Variants in CCDC110 observed in about 807,000 individuals in gnomAD.
CCDC110 encodes coiled-coil domain containing 110, also known as coiled-coil domain-containing protein 110.
Under a neutral mutation model 77.1 loss-of-function variants are expected in CCDC110, and 70 were observed. The observed-to-expected ratio is 0.91, with a 90% CI of 0.75 to 1.11. The LOEUF (loss-of-function observed/expected upper bound fraction) is 1.11, where lower values mean the gene tolerates loss of function less well. Ranked by LOEUF, CCDC110 falls within the 50% of genes least tolerant of loss-of-function variation. The pLI is 0.00. For synonymous variants in CCDC110, 295 were observed against 312.5 expected, an observed-to-expected ratio of 0.94 and a Z score of 0.59; for missense variants, 868 against 942.9, an observed-to-expected ratio of 0.92 and a Z score of 1.04.
chr4:185,468,317 G>A lies in CCDC110; in HGVS notation c.115+2628C>T, dbSNP rs1462727411. ...AAGCCCTTACTGAGGTGTACGAGGTGTACGGCACATAGTGAATGCTCAAGA... is the reference window on the plus strand; with the variant it reads ...AAGCCCTTACTGAGGTGTACGAGGTATACGGCACATAGTGAATGCTCAAGA... On this transcript the variant is annotated intron_variant, in intron 2 of 6. Transcript: ENST00000307588. The surrounding 1 kb of genome is among the most constrained non-coding windows in gnomAD (Gnocchi z 4.5). Among the ~76,000 whole-genome samples the A allele has an allele frequency of 1.3e-5, 2 of 152,218 alleles. No individual in the cohort carries two copies. The highest frequency in any genetic ancestry group is 2.4e-5 in the African/African-American group (1 of 41,466).
intron 2 of CCDC110, among the ~76,000 whole-genome samples, chr4:185,466,349 T>C (rs1318238427): frequency 2.0e-5 from 3 of 151,852 alleles, no homozygotes; most frequent in Non-Finnish European, 4.4e-5. Context: ...CACTCCAGCC[T>C]GGGAGACAAG....
intron 2 of CCDC110, among the ~76,000 whole-genome samples, chr4:185,466,609 G>T (rs973608920): frequency 6.6e-6 from 1 of 151,676 alleles, no homozygotes; most frequent in East Asian, 2.0e-4. Context: ...TCACTCTGTT[G>T]CCCAGGCTGG....
In CCDC110 at chr4:185,459,538, C is replaced by T; in HGVS notation, c.1049G>A (p.Arg350Lys). ...ATTGTTTTTCTCATTTTTCTTTCCC[C>T]TGTGCATTTCACTCTTAGATAACTT... ...CKKLSKSEMH[R>K]GKKNEKNNKE... The change falls in exon 6 of 7, where the codon AGG becomes AAG. Residue 350 changes from arginine to lysine, a missense_variant. Physicochemically the swap from Arg to Lys is conservative, Grantham distance 26. Coordinates refer to ENST00000307588, the MANE Select transcript of CCDC110 (RefSeq NM_152775.4). 1.2e-6 allele frequency: 2 copies of T among 1,612,746 alleles called. No individual in the cohort carries two copies. Among genetic ancestry groups the T allele is most frequent in the Non-Finnish European group, 1.7e-6 (2 of 1,179,294 alleles).
chr4:185,447,344 G>A (rs566207140), intron 6 of CCDC110, among the ~76,000 whole-genome samples: 1 of 151,840 alleles, frequency 6.6e-6, no homozygotes, highest in African/African-American at 2.4e-5. Context: ...ACCACGCCCG[G>A]CTAATTTTTG....
At chr4:185,462,085 TG>T (rs1317095717) in intron 4 of CCDC110, among the ~76,000 whole-genome samples, 1 of 152,034 alleles carries the variant, frequency 6.6e-6, no homozygotes, top group Admixed American at 6.5e-5. Context: ...GTGACAAAAA[TG>T]AAACTCCTTC....
chr4:185,445,272 T>C lies in CCDC110; in HGVS notation c.*230A>G. ...ACTTTAGACATCTCAGCTCCTTCCATGTACAGGTACCTGCCCTCCCTTGTA... is the reference window on the plus strand; with the variant it reads ...ACTTTAGACATCTCAGCTCCTTCCACGTACAGGTACCTGCCCTCCCTTGTA... On this transcript the variant is annotated 3_prime_UTR_variant, in exon 7 of 7. Transcript: ENST00000307588. The C allele has an allele frequency of 5.1e-6, 4 of 778,780 alleles. No individual in the cohort carries two copies. Among genetic ancestry groups the C allele is most frequent in the South Asian group, 2.0e-5 (1 of 49,474 alleles). The allele number at this position is 778,780 out of a possible 1,614,324, so 48.2% of individuals were successfully genotyped here.
At position 185,458,524 on chromosome 4, in the gene CCDC110, C is replaced by G; in HGVS notation, c.2063G>C (p.Ser688Thr). ...QEIKNAKSEA[S>T]IYKNSLSEIG... is the part of the protein sequence containing the mutation. Reference sequence around the variant, plus strand: ...TTCTGACAAGCTATTCTTATAAATACTTGCTTCTGATTTTGCATTTTTTAT... The same window carrying G: ...TTCTGACAAGCTATTCTTATAAATAGTTGCTTCTGATTTTGCATTTTTTAT... Residue 688 changes from serine (S) to threonine (T), a missense_variant, in exon 6 of 7, where the codon AGT becomes ACT. Transcript: ENST00000307588. 6.2e-7 allele frequency: 1 copy of G among 1,608,660 alleles called. No homozygotes were observed. The highest frequency in any genetic ancestry group is 8.5e-7 in the Non-Finnish European group (1 of 1,179,056).
chr4:185,445,216 T>C lies in CCDC110; in HGVS notation c.*286A>G. The C allele has an allele frequency of 8.3e-7, 1 of 1,209,872 alleles. No homozygotes were observed. The highest frequency in any genetic ancestry group is 1.6e-5 in the South Asian group (1 of 62,264). The allele number at this position is 1,209,872 out of a possible 1,614,324, so 74.9% of individuals were successfully genotyped here. On this transcript the variant is annotated 3_prime_UTR_variant, in exon 7 of 7. Transcript: ENST00000307588. ...TCTTCAAAATAGTATCTTTTATTTA[T>C]ATATACTTTTTTAAATGACAAATGT... is the stretch of plus-strand genomic sequence containing the variant.
chr4:185,445,302 T>TACC lies in CCDC110; in HGVS notation c.*199_*200insGGT. On this transcript the variant is annotated 3_prime_UTR_variant, in exon 7 of 7. Transcript: ENST00000307588. ...AGGTACCTGCCCTCCCTTGTAGAAG[T>TACC]TCTCCCCCATCTTCTGAAATTCCCA... 7 of 707,248 alleles carry TACC rather than the reference T, an allele frequency of 9.9e-6. No individual in the cohort carries two copies. Among genetic ancestry groups the TACC allele is most frequent in the South Asian group, 2.1e-5 (1 of 46,658 alleles). The allele number at this position is 707,248 out of a possible 1,614,324, so 43.8% of individuals were successfully genotyped here.
chr4:185,458,032 T>C, intron 6 of CCDC110, 94 bp downstream of exon 6: 1 of 865,678 alleles, frequency 1.2e-6, no homozygotes, highest in Non-Finnish European at 1.7e-6. Context: ...TTGTATTCAT[T>C]TTAAAGTTTC....
At position 185,468,598 on chromosome 4, in the gene CCDC110, C is replaced by G. The variant is rs949073666; in HGVS notation, c.115+2347G>C. On this transcript the variant is annotated intron_variant, in intron 2 of 6. Transcript: ENST00000307588. The surrounding 1 kb of genome is among the most constrained non-coding windows in gnomAD (Gnocchi z 4.5). ...ACCAGCCACGCTCCCACCACAGGGTCTTTGCAGTTGCCATTCTCTCTGCCT... is the reference window on the plus strand; with the variant it reads ...ACCAGCCACGCTCCCACCACAGGGTGTTTGCAGTTGCCATTCTCTCTGCCT... 6.6e-6 allele frequency among the ~76,000 whole-genome samples: 1 copy of G among 152,162 alleles called. No homozygotes were observed. Among genetic ancestry groups the G allele is most frequent in the African/African-American group, 2.4e-5 (1 of 41,440 alleles).
intron 4 of CCDC110, 105 bp from the exon 5 acceptor site, chr4:185,461,264 C>T (rs1204517969): frequency 5.3e-6 from 3 of 566,900 alleles, no homozygotes; most frequent in Admixed American, 6.9e-5. Flanking sequence ...ATTTCCTGCC[C>T]ATAAACAGTC....
In CCDC110 at chr4:185,445,440, T is replaced by A. The variant is rs1046317627; in HGVS notation, c.*62A>T. ...GATGAGTTAGATATGCATAGTTCAG[T>A]TAGCAGTACAATTAACATTGGCTAT... On this transcript the variant is annotated 3_prime_UTR_variant, in exon 7 of 7. Transcript: ENST00000307588. The A allele has an allele frequency of 1.7e-6, 2 of 1,148,640 alleles. No individual in the cohort carries two copies. Among genetic ancestry groups the A allele is most frequent in the Non-Finnish European group, 2.6e-6 (2 of 777,954 alleles). 71.2% of individuals were successfully genotyped at this position (1,148,640 alleles called of 1,614,324 possible).
intron 6 of CCDC110, among the ~76,000 whole-genome samples, chr4:185,454,508 G>A (rs1311404481): frequency 6.6e-6 from 1 of 151,960 alleles, no homozygotes; most frequent in Admixed American, 6.5e-5. Flanking sequence ...AAGGTCAGGA[G>A]TTCGAGATCA....
intron 6 of CCDC110, among the ~76,000 whole-genome samples, chr4:185,452,022 CAATT>C (rs1233788084): frequency 6.6e-6 from 1 of 152,126 alleles, no homozygotes; most frequent in Non-Finnish European, 1.5e-5. Context: ...ATATGTAAAA[CAATT>C]AAGATTTTTC....
intron 5 of CCDC110, chr4:185,460,815 C>T (rs942096266): frequency 1.0e-4 from 42 of 411,280 alleles, no homozygotes; most frequent in Non-Finnish European, 4.7e-5. Flanking sequence ...GAATCTTTCA[C>T]GATCTGGACT....
chr4:185,454,572 G>A (rs2095633564), intron 6 of CCDC110, among the ~76,000 whole-genome samples: 1 of 151,840 alleles, frequency 6.6e-6, no homozygotes, highest in Non-Finnish European at 1.5e-5. Flanking sequence ...AAATAAGCTG[G>A]GCATGGTGGC....
chr4:185,463,050 C>T lies in CCDC110; in HGVS notation c.116-1G>A. On this transcript the variant is annotated splice_acceptor_variant, in intron 2 of 6. Coordinates refer to ENST00000307588, the MANE Select transcript of CCDC110 (RefSeq NM_152775.4). LOFTEE classifies it high-confidence loss of function. The stretch of plus-strand genomic sequence containing the variant: ...TCTGATTCTGCTATGCAGCCATATT[C>T]TAAGAAGCAAAATTGAAAAACCATG... The T allele has an allele frequency of 6.2e-7, 1 of 1,611,466 alleles. No individual in the cohort carries two copies. The highest frequency in any genetic ancestry group is 8.5e-7 in the Non-Finnish European group (1 of 1,178,440).
At chr4:185,465,851 G>A (rs934784995) in intron 2 of CCDC110, among the ~76,000 whole-genome samples, 17 of 152,158 alleles carry the variant, frequency 1.1e-4, no homozygotes, top group South Asian at 2.1e-4. Context: ...GGATTCGTTG[G>A]GGCCAGGAGA....
Sources: allele counts gnomAD v4.1 joint callset (sites outside exome capture counted in the v4.1 genomes callset), GRCh38; gene constraint gnomAD v4.1.1; non-coding constraint Gnocchi (gnomAD v3.1); transcripts MANE v1.5; gene names NCBI Gene and HGNC (gene_info 2026-07-23, HGNC 2026-07-21).